TLN2: variants seen among roughly 807,000 people sequenced by gnomAD.
TLN2 encodes talin-2.
Under a neutral mutation model 294.7 loss-of-function variants are expected in TLN2, and 118 were observed. The observed-to-expected ratio is 0.40, with a 90% CI of 0.34 to 0.47. The LOEUF is 0.47. Ranked by LOEUF, TLN2 falls within the 20% of genes least tolerant of loss-of-function variation. The pLI is 0.84. For missense variants in TLN2, 3,083 were observed against 3,282.2 expected (o/e 0.94, Z 1.48); for synonymous variants, 1,431 against 1,304.5 (o/e 1.10, Z -2.09).
At chr15:62,748,610 T>C (rs1181894167) in intron 33 of TLN2, among the ~76,000 whole-genome samples, 166 bp downstream of exon 33, 1 of 152,212 alleles carries the variant, frequency 6.6e-6, no homozygotes, top group Non-Finnish European at 1.5e-5. Context: ...AAGGCCAAAG[T>C]TCCAATCCAA....
At position 62,698,801 on chromosome 15, in the gene TLN2, C is replaced by T. The variant is rs754033042; in HGVS notation, c.1521C>T (p.His507=). ...TGGGGACCATCAACACAAGCATGCA[C>T]GCCGTCCAGCAGGCCCAGGATGATC... ...ALMGTINTSM[H]AVQQAQDDLS... The change falls in exon 16 of 59, where the codon CAC becomes CAT. Residue 507 remains histidine (H), a synonymous_variant. Coordinates refer to ENST00000636159, the MANE Select transcript of TLN2 (RefSeq NM_015059.3). 21 of 1,612,394 alleles carry T rather than the reference C, an allele frequency of 1.3e-5. No individual in the cohort carries two copies. Among genetic ancestry groups the T allele is most frequent in the Admixed American group, 1.2e-4 (7 of 60,010 alleles).
At chr15:62,455,899 T>C in intron 1 of TLN2, among the ~76,000 whole-genome samples, 1 of 152,186 alleles carries the variant, frequency 6.6e-6, no homozygotes, top group East Asian at 1.9e-4. Flanking sequence ...GCTTTACATC[T>C]TGGCCAGGTG....
chr15:62,422,475 T>C (rs535012979), intron 1 of TLN2, among the ~76,000 whole-genome samples: 11 of 152,258 alleles, frequency 7.2e-5, no homozygotes, highest in African/African-American at 2.6e-4. Context: ...TAATATAAAA[T>C]TATAGTTTTT....
intron 2 of TLN2, among the ~76,000 whole-genome samples, chr15:62,595,736 G>A (rs1372972717): frequency 1.3e-5 from 2 of 152,246 alleles, no homozygotes; most frequent in African/African-American, 4.8e-5. Flanking sequence ...AGCCTTCAAG[G>A]AAATTGTCAT....
Position 62,794,512 on chromosome 15 carries a change from G to A in TLN2, c.5884-1615G>A, listed in dbSNP as rs537649755. Among the ~76,000 whole-genome samples, 3 of 152,106 alleles carry A rather than the reference G, an allele frequency of 2.0e-5. No homozygotes were observed. The South Asian group carries it at 6.2e-4, about 32-fold the overall frequency. ...CTTGGCTAAGAATGTCTCTCTCCCA[G>A]ACACATATACAACCCTGCAGGCTTC... is the stretch of plus-strand genomic sequence containing the variant. On this transcript the variant is annotated intron_variant, in intron 46 of 58. Coordinates refer to ENST00000636159, the MANE Select transcript of TLN2 (RefSeq NM_015059.3).
intron 52 of TLN2, among the ~76,000 whole-genome samples, chr15:62,815,185 A>T (rs763926323): frequency 0.41 from 31,934 of 78,372 alleles, 4,006 homozygotes; most frequent in South Asian, 0.49. Flanking sequence ...TGTCACACAC[A>T]CACACACACA....
At chr15:62,750,824 T>G (rs1478133977) in intron 34 of TLN2, among the ~76,000 whole-genome samples, 5 of 152,204 alleles carry the variant, frequency 3.3e-5, no homozygotes, top group Admixed American at 3.3e-4. Flanking sequence ...TCCTCTCTTT[T>G]TTCACAAATG....
chr15:62,778,821 A>G (rs905785580), intron 43 of TLN2, among the ~76,000 whole-genome samples: 1 of 152,170 alleles, frequency 6.6e-6, no homozygotes, highest in African/African-American at 2.4e-5. Context: ...TGGGGTTTCA[A>G]TGTTGCCCCT....
chr15:62,783,730 T>C, intron 44 of TLN2, 41 bp from the exon 45 acceptor site: 1 of 1,436,488 alleles, frequency 7.0e-7, no homozygotes, highest in South Asian at 1.3e-5. Context: ...TCTGTGTGTG[T>C]GTGTGTGTGT....
intron 2 of TLN2, among the ~76,000 whole-genome samples, chr15:62,591,626 C>T (rs561258944): frequency 2.0e-5 from 3 of 152,278 alleles, no homozygotes; most frequent in African/African-American, 7.2e-5. Flanking sequence ...TCCTTCCCAC[C>T]ATTGTGGGGC....
intron 19 of TLN2, 59 bp downstream of exon 19, chr15:62,702,923 A>G: frequency 6.8e-7 from 1 of 1,460,166 alleles, no homozygotes; most frequent in Non-Finnish European, 9.6e-7. Context: ...TCTAGACCCG[A>G]GCAGGCAGAA....
chr15:62,664,857 C>CAAAAAAAAA (rs10634187), intron 9 of TLN2, among the ~76,000 whole-genome samples: 4,108 of 29,056 alleles, frequency 0.14, 1,346 homozygotes, highest in Non-Finnish European at 0.21. Context: ...GAAACTGTCT[C>CAAAAAAAAA]AAAAAAAAAA....
intron 32 of TLN2, 22 bp from the exon 33 acceptor site, chr15:62,748,329 A>AG (rs2061729083): frequency 6.3e-7 from 1 of 1,586,404 alleles, no homozygotes; most frequent in Non-Finnish European, 8.6e-7. Flanking sequence ...AAAAAAAAAA[A>AG]AAAATTCTGT....
chr15:62,757,643 C>T (rs773659982), intron 37 of TLN2, among the ~76,000 whole-genome samples: 2 of 152,116 alleles, frequency 1.3e-5, no homozygotes, highest in Non-Finnish European at 2.9e-5. Context: ...ACCCTCTTTG[C>T]GATTCCCTGC....
intron 19 of TLN2, among the ~76,000 whole-genome samples, chr15:62,706,225 C>CTT (rs1595731631): frequency 6.6e-6 from 1 of 151,892 alleles, no homozygotes; most frequent in African/African-American, 2.4e-5. Flanking sequence ...AAATAAACTA[C>CTT]TTTCAGTATT....
At chr15:62,727,898 AG>A (rs149430548) in intron 28 of TLN2, among the ~76,000 whole-genome samples, 9,250 of 152,262 alleles carry the variant, frequency 0.061, 598 homozygotes, top group Admixed American at 0.2. Context: ...GAGGGTGAAG[AG>A]GGGAGGAGTG....
intron 54 of TLN2, among the ~76,000 whole-genome samples, chr15:62,827,168 G>T (rs1405829922): frequency 6.6e-6 from 1 of 152,172 alleles, no homozygotes; most frequent in Non-Finnish European, 1.5e-5. Flanking sequence ...AGGAGCTGTG[G>T]GGTTGCAGGG....
At chr15:62,731,740 C>G (rs931040165) in intron 28 of TLN2, among the ~76,000 whole-genome samples, 3 of 152,170 alleles carry the variant, frequency 2.0e-5, no homozygotes, top group Admixed American at 6.5e-5. Flanking sequence ...TCCTTCATTT[C>G]AAGATCTTGG....
chr15:62,694,087 C>T (rs1363615533), intron 13 of TLN2, among the ~76,000 whole-genome samples: 1 of 150,838 alleles, frequency 6.6e-6, no homozygotes, highest in Non-Finnish European at 1.5e-5. Flanking sequence ...CCTGCCTCAG[C>T]TTCCGGTGTA....
Sources: gnomAD v4.1 joint callset for allele counts (sites outside exome capture counted in the v4.1 genomes callset) on GRCh38, gnomAD v4.1.1 for gene constraint, MANE v1.5 for transcripts, NCBI Gene and HGNC (gene_info 2026-07-23, HGNC 2026-07-21) for gene names.